BMP6: variants seen among roughly 807,000 people sequenced by gnomAD.
The protein encoded by BMP6 is bone morphogenetic protein 6.
BMP6 carries 17 observed loss-of-function variants against 54.1 expected under a neutral mutation model. The ratio of observed to expected loss-of-function variants is 0.31; its 90% CI spans 0.22 to 0.47. The LOEUF (loss-of-function observed/expected upper bound fraction) is 0.47, where lower values mean the gene tolerates loss of function less well. Among genes scored for constraint, BMP6 ranks in the 20% least tolerant of loss-of-function variants. The pLI is 1.00. For missense variants in BMP6, 720 were observed against 690.4 expected, an observed-to-expected ratio of 1.04 and a Z score of -0.48; for synonymous variants, 328 against 291.2, an observed-to-expected ratio of 1.13 and a Z score of -1.28.
rs146259662 is a variant in BMP6, at chr6:7,788,252, A to G, written c.665-56888A>G. Among the ~76,000 whole-genome samples the G allele has an allele frequency of 2.5e-3, 382 of 152,338 alleles. 2 individuals are homozygous for G. Among genetic ancestry groups the G allele is most frequent in the African/African-American group, 8.8e-3 (367 of 41,580 alleles). Reference sequence around the variant, plus strand: ...CCAAAGGCTTGGTAGTAATTATTTGAGGGCATTAGTGATAGACCACATGTT... The same window carrying G: ...CCAAAGGCTTGGTAGTAATTATTTGGGGGCATTAGTGATAGACCACATGTT... On this transcript the variant is annotated intron_variant, in intron 1 of 6. Coordinates refer to ENST00000283147, the MANE Select transcript of BMP6 (RefSeq NM_001718.6).
chr6:7,845,292 C>T lies in BMP6; in HGVS notation c.817C>T (p.Leu273Phe). ...VMGSFKNQTF[L>F]ISIYQVLQEH... is the part of the protein sequence containing the mutation. ...GGGGAGTTTTAAAAACCAAACTTTT[C>T]TTATCAGCATTTATCAAGTCTTACA... Residue 273 changes from leucine (L) to phenylalanine (F), a missense_variant, in exon 2 of 7, where the codon CTT becomes TTT. Transcript: ENST00000283147. 1.2e-6 allele frequency: 2 copies of T among 1,614,128 alleles called. No homozygotes were observed. Among genetic ancestry groups the T allele is most frequent in the South Asian group, 1.1e-5 (1 of 91,074 alleles).
intron 1 of BMP6, among the ~76,000 whole-genome samples, chr6:7,779,115 C>T (rs1351221748): frequency 1.3e-5 from 2 of 152,178 alleles, no homozygotes; most frequent in African/African-American, 4.8e-5. Context: ...AGGGTCTCCC[C>T]AAGGAGCCGA....
At chr6:7,848,588 C>T (rs1031587153) in intron 2 of BMP6, among the ~76,000 whole-genome samples, 1 of 152,286 alleles carries the variant, frequency 6.6e-6, no homozygotes, top group East Asian at 1.9e-4. Flanking sequence ...TTGAGAAATA[C>T]CTCCTGTCGT....
At chr6:7,814,098 A>G (rs11751500) in intron 1 of BMP6, among the ~76,000 whole-genome samples, 19,236 of 152,184 alleles carry the variant, frequency 0.13, 1,487 homozygotes, top group African/African-American at 0.2. Context: ...TTCATAGCCA[A>G]TAACAGCTCA....
chr6:7,736,888 CT>C (rs1761963741), intron 1 of BMP6, among the ~76,000 whole-genome samples: 1 of 152,084 alleles, frequency 6.6e-6, no homozygotes, highest in African/African-American at 2.4e-5. Context: ...GAGGAAACCT[CT>C]TAAAAATGGG....
chr6:7,743,287 C>T (rs1164895803), intron 1 of BMP6, among the ~76,000 whole-genome samples: 1 of 152,118 alleles, frequency 6.6e-6, no homozygotes, highest in Non-Finnish European at 1.5e-5. Context: ...TATTTAGGAA[C>T]GAACAATAGT....
intron 1 of BMP6, among the ~76,000 whole-genome samples, chr6:7,811,419 T>A (rs1758433957): frequency 6.6e-6 from 1 of 152,142 alleles, no homozygotes; most frequent in South Asian, 2.1e-4. Context: ...AAGGTCTGAT[T>A]TGGAGGGATG....
intron 1 of BMP6, among the ~76,000 whole-genome samples, chr6:7,765,050 G>A (rs1402493474): frequency 6.6e-6 from 1 of 152,158 alleles, no homozygotes; most frequent in Non-Finnish European, 1.5e-5. Context: ...TTTGAACTTT[G>A]GCTTTTTGCA....
At chr6:7,835,976 A>G (rs188308586) in intron 1 of BMP6, among the ~76,000 whole-genome samples, 2 of 152,108 alleles carry the variant, frequency 1.3e-5, no homozygotes, top group East Asian at 1.9e-4. Flanking sequence ...AGCCGGGACT[A>G]CAGGCATGTG....
At chr6:7,852,062 C>G (rs1198209616) in intron 2 of BMP6, among the ~76,000 whole-genome samples, 1 of 152,156 alleles carries the variant, frequency 6.6e-6, no homozygotes, top group African/African-American at 2.4e-5. Context: ...CCTGGCAAGA[C>G]TGCTAATTTT....
chr6:7,741,936 A>G (rs912885154), intron 1 of BMP6, among the ~76,000 whole-genome samples: 2 of 152,232 alleles, frequency 1.3e-5, no homozygotes, highest in Admixed American at 1.3e-4. Context: ...CCTCCCCCCA[A>G]GTGCCTAGCA....
intron 2 of BMP6, among the ~76,000 whole-genome samples, chr6:7,860,962 T>C (rs267207): frequency 0.31 from 47,769 of 151,922 alleles, 8,127 homozygotes; most frequent in East Asian, 0.59. Flanking sequence ...TTTTAGAGCT[T>C]ATTAGCCATA....
At chr6:7,768,840 T>A (rs745590597) in intron 1 of BMP6, among the ~76,000 whole-genome samples, 2 of 152,218 alleles carry the variant, frequency 1.3e-5, no homozygotes, top group Admixed American at 1.3e-4. Context: ...TTTGTGGCTT[T>A]CTTGTTGTAC....
intron 4 of BMP6, among the ~76,000 whole-genome samples, chr6:7,876,424 T>C (rs1225497269): frequency 6.6e-6 from 1 of 152,230 alleles, no homozygotes; most frequent in Non-Finnish European, 1.5e-5. Flanking sequence ...TCATTATGTC[T>C]TCAAATACTA....
At chr6:7,785,022 T>C (rs1482360717) in intron 1 of BMP6, among the ~76,000 whole-genome samples, 2 of 152,352 alleles carry the variant, frequency 1.3e-5, no homozygotes, top group Middle Eastern at 3.4e-3. Flanking sequence ...AGTGTAGTCA[T>C]GGAGATGAGA....
chr6:7,728,568 CTT>C (rs894043571), intron 1 of BMP6, among the ~76,000 whole-genome samples: 15 of 152,196 alleles, frequency 9.9e-5, no homozygotes, highest in Admixed American at 5.9e-4. Flanking sequence ...AGAGAAGACT[CTT>C]TTCTTCGGAG....
intron 2 of BMP6, among the ~76,000 whole-genome samples, chr6:7,846,935 T>C (rs1218890270): frequency 6.6e-6 from 1 of 152,202 alleles, no homozygotes; most frequent in Non-Finnish European, 1.5e-5. Flanking sequence ...ATTGGGAATA[T>C]ATGTTTTTCT....
intron 1 of BMP6, among the ~76,000 whole-genome samples, chr6:7,818,155 T>C (rs1250058097): frequency 1.3e-5 from 2 of 152,218 alleles, no homozygotes; most frequent in Non-Finnish European, 2.9e-5. Flanking sequence ...AATAAGCAAA[T>C]ACATACGAAT....
At chr6:7,791,537 C>T (rs1758107114) in intron 1 of BMP6, among the ~76,000 whole-genome samples, 1 of 152,160 alleles carries the variant, frequency 6.6e-6, no homozygotes, top group African/African-American at 2.4e-5. Context: ...CTCACCTCCT[C>T]CCAGCGCTTC....
Sources: allele counts gnomAD v4.1 joint callset (sites outside exome capture counted in the v4.1 genomes callset), GRCh38; gene constraint gnomAD v4.1.1; transcripts MANE v1.5; gene names NCBI Gene and HGNC (gene_info 2026-07-23, HGNC 2026-07-21).